The following CNTNAP2 variants were observed in gnomAD, a reference collection of about 807,000 sequenced individuals.
CNTNAP2 encodes the protein contactin-associated protein-like 2.
Under a neutral mutation model 155.2 loss-of-function variants are expected in CNTNAP2, and 98 were observed. The observed-to-expected ratio is 0.63, with a 90% CI of 0.54 to 0.75. CNTNAP2 has a LOEUF of 0.75. CNTNAP2 is among the 30% of genes least tolerant of loss of function. The pLI, the probability that CNTNAP2 is intolerant of heterozygous loss-of-function variation, is 0.00. For synonymous variants in CNTNAP2, 651 were observed against 631.2 expected (o/e 1.03, Z -0.47); for missense variants, 1,727 against 1,688.1 (o/e 1.02, Z -0.40).
intron 20 of CNTNAP2, among the ~76,000 whole-genome samples, chr7:148,244,037 G>T (rs1013793168): frequency 6.6e-6 from 1 of 152,178 alleles, no homozygotes; most frequent in African/African-American, 2.4e-5. Context: ...GTTAAGGTTT[G>T]GGTGTAAGGG....
chr7:147,605,472 G>T (rs1374102683), intron 12 of CNTNAP2, among the ~76,000 whole-genome samples: 1 of 152,154 alleles, frequency 6.6e-6, no homozygotes, highest in African/African-American at 2.4e-5. Flanking sequence ...GAAAGGAAAT[G>T]CATGTCGAGC....
At chr7:146,862,503 C>CA (rs537810373) in intron 3 of CNTNAP2, among the ~76,000 whole-genome samples, 125 of 151,600 alleles carry the variant, frequency 8.2e-4, no homozygotes, top group African/African-American at 2.7e-3. Flanking sequence ...AAAAAACAAA[C>CA]AAAAAAAACG....
At chr7:148,353,427 C>T (rs1050241059) in intron 21 of CNTNAP2, among the ~76,000 whole-genome samples, 1 of 152,160 alleles carries the variant, frequency 6.6e-6, no homozygotes, top group African/African-American at 2.4e-5. Context: ...TAAAACACTC[C>T]CTTTTGTCTC....
intron 1 of CNTNAP2, among the ~76,000 whole-genome samples, chr7:146,118,332 T>G (rs1433701272): frequency 6.6e-6 from 1 of 152,186 alleles, no homozygotes; most frequent in African/African-American, 2.4e-5. Flanking sequence ...TAACACAAGT[T>G]AAATCACAAA....
At chr7:146,557,511 G>T (rs1798214867) in intron 1 of CNTNAP2, among the ~76,000 whole-genome samples, 1 of 151,960 alleles carries the variant, frequency 6.6e-6, no homozygotes, top group Non-Finnish European at 1.5e-5. Context: ...AAACTTCTTT[G>T]GTAAAATGTA....
chr7:147,648,463 G>C lies in CNTNAP2; in HGVS notation c.2098+9157G>C, dbSNP rs1006270005. Among the ~76,000 whole-genome samples, 3 of 152,172 alleles carry C rather than the reference G, an allele frequency of 2.0e-5. No individual in the cohort carries two copies. In the South Asian group the frequency reaches 6.2e-4, roughly 32 times the overall value. Reference sequence around the variant, plus strand: ...AAACTTACTGAAGGCTACCATATTAGTTCATTTTCACGCTGCTGATAAAGA... The same window carrying C: ...AAACTTACTGAAGGCTACCATATTACTTCATTTTCACGCTGCTGATAAAGA... On this transcript the variant is annotated intron_variant, in intron 13 of 23. Transcript: ENST00000361727.
chr7:146,135,722 G>T (rs1325543835), intron 1 of CNTNAP2, among the ~76,000 whole-genome samples: 1 of 151,280 alleles, frequency 6.6e-6, no homozygotes, highest in Non-Finnish European at 1.5e-5. Flanking sequence ...CTTCTTCCAG[G>T]ACATACAGGT....
intron 2 of CNTNAP2, among the ~76,000 whole-genome samples, chr7:146,783,518 C>G (rs1419972494): frequency 2.0e-5 from 3 of 152,156 alleles, no homozygotes; most frequent in African/African-American, 7.2e-5. Flanking sequence ...ATCATTGACA[C>G]TTGTTATAAA....
intron 13 of CNTNAP2, among the ~76,000 whole-genome samples, chr7:147,753,571 C>T (rs1191773401): frequency 6.6e-6 from 1 of 152,106 alleles, no homozygotes; most frequent in Non-Finnish European, 1.5e-5. Flanking sequence ...TGTCTATGTA[C>T]TTATGACACA....
intron 3 of CNTNAP2, among the ~76,000 whole-genome samples, chr7:146,846,924 T>A (rs1803852093): frequency 6.6e-6 from 1 of 152,154 alleles, no homozygotes; most frequent in South Asian, 2.1e-4. Context: ...CTTCTAATGT[T>A]TAAAGTATCC....
chr7:147,761,722 A>G (rs1797301036), intron 13 of CNTNAP2, among the ~76,000 whole-genome samples: 1 of 152,216 alleles, frequency 6.6e-6, no homozygotes, highest in Non-Finnish European at 1.5e-5. Context: ...AGAGGATGGT[A>G]ATAATTGTGT....
At chr7:146,855,809 AT>A (rs1794970009) in intron 3 of CNTNAP2, among the ~76,000 whole-genome samples, 1 of 982 alleles carries the variant, frequency 1.0e-3, no homozygotes, top group Non-Finnish European at 1.8e-3. Context: ...GTTAATGAGT[AT>A]ATATATATAT....
Position 147,108,220 on chromosome 7 carries a change from G to T in CNTNAP2, c.624G>T (p.Leu208=). 1 of 1,613,624 alleles carries T rather than the reference G, an allele frequency of 6.2e-7. No individual in the cohort carries two copies. The highest frequency in any genetic ancestry group is 1.1e-5 in the South Asian group (1 of 91,050). The change falls in exon 5 of 24, where the codon CTG becomes CTT. Residue 208 remains leucine (L), a synonymous_variant. Transcript: ENST00000361727. ...TCAGAAACAAGAAGATGAAAACACT[G>T]AAAGATGTCATTGCCTTGAACTTTA... ...YRFRNKKMKT[L]KDVIALNFKT...
At chr7:146,510,485 T>C (rs189236658) in intron 1 of CNTNAP2, among the ~76,000 whole-genome samples, 4 of 152,328 alleles carry the variant, frequency 2.6e-5, no homozygotes, top group African/African-American at 9.6e-5. Context: ...TGTGGTCCCA[T>C]GTACATTTTA....
chr7:146,640,326 C>A (rs1799683715), intron 1 of CNTNAP2, among the ~76,000 whole-genome samples: 1 of 152,120 alleles, frequency 6.6e-6, no homozygotes, highest in African/African-American at 2.4e-5. Context: ...GTCAGGAAAT[C>A]ATTTAGAGAG....
intron 3 of CNTNAP2, among the ~76,000 whole-genome samples, chr7:146,899,268 C>T (rs1359487714): frequency 6.6e-6 from 1 of 152,116 alleles, no homozygotes; most frequent in African/African-American, 2.4e-5. Flanking sequence ...CATTACAATC[C>T]CATTTGCTTA....
At chr7:147,493,024 C>T (rs1267228522) in intron 11 of CNTNAP2, among the ~76,000 whole-genome samples, 1 of 152,076 alleles carries the variant, frequency 6.6e-6, no homozygotes, top group Non-Finnish European at 1.5e-5. Flanking sequence ...TTTTTAAATT[C>T]AGAAAATGTC....
chr7:146,924,409 C>T (rs1796564777), intron 3 of CNTNAP2, among the ~76,000 whole-genome samples: 1 of 152,062 alleles, frequency 6.6e-6, no homozygotes, highest in South Asian at 2.1e-4. Flanking sequence ...TCCCTACAGC[C>T]TCCCTCTCTG....
intron 13 of CNTNAP2, among the ~76,000 whole-genome samples, chr7:147,756,971 A>T (rs1797221003): frequency 6.6e-6 from 1 of 152,242 alleles, no homozygotes; most frequent in African/African-American, 2.4e-5. Flanking sequence ...TGATTATTTA[A>T]ATAGTCAGAT....
Sources: allele counts gnomAD v4.1 joint callset (sites outside exome capture counted in the v4.1 genomes callset), GRCh38; gene constraint gnomAD v4.1.1; transcripts MANE v1.5; gene names NCBI Gene and HGNC (gene_info 2026-07-23, HGNC 2026-07-21).